Variants in CRY1 observed in about 807,000 individuals in gnomAD.
The protein encoded by CRY1 is cryptochrome circadian regulator 1, also known as cryptochrome-1.
A neutral mutation model predicts 76.0 loss-of-function variants in CRY1; 45 were observed. The ratio of observed to expected loss-of-function variants is 0.59; its 90% CI spans 0.47 to 0.76. The LOEUF (loss-of-function observed/expected upper bound fraction) is 0.76, where lower values mean the gene tolerates loss of function less well. CRY1 is among the 30% of genes least tolerant of loss of function. The pLI is 0.00. For missense variants in CRY1, 587 were observed against 716.4 expected, an observed-to-expected ratio of 0.82 and a Z score of 2.06; for synonymous variants, 248 against 244.0, an observed-to-expected ratio of 1.02 and a Z score of -0.15.
At chr12:107,043,678 C>A (rs1952822987) in intron 1 of CRY1, among the ~76,000 whole-genome samples, 1 of 152,154 alleles carries the variant, frequency 6.6e-6, no homozygotes, top group Non-Finnish European at 1.5e-5. Context: ...TACCCATCTC[C>A]CTTGATGGTG....
chr12:106,999,482 C>T, intron 7 of CRY1, 69 bp downstream of exon 7: 1 of 1,415,636 alleles, frequency 7.1e-7, no homozygotes, highest in Non-Finnish European at 9.6e-7. Context: ...CAGACAACTT[C>T]TAGGATTTGT....
chr12:106,998,908 G>C (rs919722404), intron 7 of CRY1, among the ~76,000 whole-genome samples: 1 of 151,988 alleles, frequency 6.6e-6, no homozygotes, highest in Admixed American at 6.6e-5. Context: ...TGGGCACAGT[G>C]GTGGGCACCT....
At chr12:106,997,881 A>G in intron 8 of CRY1, 34 bp downstream of exon 8, 1 of 1,604,192 alleles carries the variant, frequency 6.2e-7, no homozygotes, top group Non-Finnish European at 8.5e-7. Flanking sequence ...TGAATTAACT[A>G]TTCCAAACTG....
At chr12:107,002,278 G>C (rs1952321216) in intron 3 of CRY1, among the ~76,000 whole-genome samples, 1 of 152,102 alleles carries the variant, frequency 6.6e-6, no homozygotes, top group Admixed American at 6.5e-5. Flanking sequence ...ATTACAAAAA[G>C]TTAATACACA....
chr12:107,048,977 T>C (rs1437703922), intron 1 of CRY1, among the ~76,000 whole-genome samples: 1 of 152,234 alleles, frequency 6.6e-6, no homozygotes, highest in Non-Finnish European at 1.5e-5. Context: ...TTTAAAAAGC[T>C]ATAGATATCC....
intron 1 of CRY1, among the ~76,000 whole-genome samples, chr12:107,033,142 C>T (rs1952696971): frequency 6.6e-6 from 1 of 152,038 alleles, no homozygotes; most frequent in African/African-American, 2.4e-5. Context: ...AATTTGAAAA[C>T]TTAGATGAAA....
chr12:107,016,383 TAA>T (rs1952498759), intron 2 of CRY1, among the ~76,000 whole-genome samples: 1 of 152,160 alleles, frequency 6.6e-6, no homozygotes, highest in South Asian at 2.1e-4. Context: ...AAAAAGTTCT[TAA>T]GTCATAATTA....
chr12:106,993,385 C>G (rs3741892), intron 10 of CRY1, among the ~76,000 whole-genome samples: 73,060 of 151,020 alleles, frequency 0.48, 19,114 homozygotes, highest in East Asian at 0.72. Flanking sequence ...CCACGCTTTT[C>G]CTTCAGAGCT....
intron 1 of CRY1, among the ~76,000 whole-genome samples, chr12:107,028,175 A>T (rs1207029319): frequency 6.6e-6 from 1 of 152,174 alleles, no homozygotes; most frequent in African/African-American, 2.4e-5. Context: ...CATAAAGAAA[A>T]AAAATGGAGA....
At chr12:107,068,458 G>A (rs1249042631) in intron 1 of CRY1, among the ~76,000 whole-genome samples, 2 of 151,900 alleles carry the variant, frequency 1.3e-5, no homozygotes, top group Non-Finnish European at 2.9e-5. Context: ...ACCATGCCCC[G>A]CTAATTTTTG....
intron 1 of CRY1, among the ~76,000 whole-genome samples, chr12:107,081,204 T>C (rs1953321170): frequency 1.3e-5 from 2 of 152,112 alleles, no homozygotes; most frequent in South Asian, 2.1e-4. Flanking sequence ...AAATGTGTAA[T>C]GAACATGTTG....
At chr12:107,042,445 C>T (rs548049885) in intron 1 of CRY1, among the ~76,000 whole-genome samples, 125 of 152,106 alleles carry the variant, frequency 8.2e-4, no homozygotes, top group Non-Finnish European at 1.4e-3. Context: ...CAAGACATAC[C>T]GATACCACAT....
chr12:107,080,384 A>G (rs1323795037), intron 1 of CRY1, among the ~76,000 whole-genome samples: 1 of 152,096 alleles, frequency 6.6e-6, no homozygotes, highest in Non-Finnish European at 1.5e-5. Context: ...ATCAGGAAAG[A>G]GATTTGCGCT....
intron 12 of CRY1, 88 bp downstream of exon 12, chr12:106,992,699 T>C (rs1566238111): frequency 1.1e-5 from 13 of 1,187,662 alleles, no homozygotes; most frequent in Admixed American, 2.2e-5. Context: ...GGTTTGAAAA[T>C]AGAGATTTGC....
At chr12:107,029,380 G>A (rs906528777) in intron 1 of CRY1, among the ~76,000 whole-genome samples, 5 of 151,906 alleles carry the variant, frequency 3.3e-5, no homozygotes, top group Admixed American at 2.6e-4. Flanking sequence ...TCACTTGAGC[G>A]CAGGAGTTTG....
At chr12:107,072,893 G>A (rs781175208) in intron 1 of CRY1, 12 of 152,000 alleles carry the variant, frequency 7.9e-5, no homozygotes, top group Non-Finnish European at 1.0e-4. Flanking sequence ...AGAAATGATC[G>A]TAAAATATTA....
chr12:107,088,056 TAATA>T (rs918823117), intron 1 of CRY1, among the ~76,000 whole-genome samples: 1 of 151,966 alleles, frequency 6.6e-6, no homozygotes, highest in Non-Finnish European at 1.5e-5. Context: ...AAAATAAAAA[TAATA>T]AATAAATAAG....
Position 107,093,529 on chromosome 12 carries a change from C to G in CRY1, c.-568G>C, listed in dbSNP as rs1953502600. Reference sequence around the variant, plus strand: ...ACGGTTGCCGGCCGGTGACCGGTCCCGAGGCTGCCCGGGTGACTCTGCCGC... The same window carrying G: ...ACGGTTGCCGGCCGGTGACCGGTCCGGAGGCTGCCCGGGTGACTCTGCCGC... On this transcript the variant is annotated 5_prime_UTR_variant, in exon 1 of 13. Transcript: ENST00000008527. 1.3e-5 allele frequency: 2 copies of G among 152,320 alleles called. No homozygotes were observed. The highest frequency in any genetic ancestry group is 4.8e-5 in the African/African-American group (2 of 41,450). The allele number at this position is 152,320 out of a possible 1,614,324, so 9.4% of individuals were successfully genotyped here. A position where few individuals can be genotyped will look rare whatever the true frequency, so the allele number is the denominator to read the frequency against.
chr12:107,070,190 A>T (rs1230056648), intron 1 of CRY1, among the ~76,000 whole-genome samples: 1 of 152,232 alleles, frequency 6.6e-6, no homozygotes, highest in Non-Finnish European at 1.5e-5. Context: ...TTCAGTGCAG[A>T]ACAATTTGTG....
Sources: gnomAD v4.1 joint callset for allele counts (sites outside exome capture counted in the v4.1 genomes callset) on GRCh38, gnomAD v4.1.1 for gene constraint, MANE v1.5 for transcripts, NCBI Gene and HGNC (gene_info 2026-07-23, HGNC 2026-07-21) for gene names.